The following PIEZO2 variants were observed in gnomAD, a reference collection of about 807,000 sequenced individuals.
PIEZO2 encodes piezo-type mechanosensitive ion channel component 2.
In PIEZO2, 172 loss-of-function variants were observed where a neutral mutation model predicts 337.3. The observed-to-expected ratio is 0.51, with a 90% CI of 0.45 to 0.58. The LOEUF (loss-of-function observed/expected upper bound fraction) is 0.58, where lower values mean the gene tolerates loss of function less well. Among genes scored for constraint, PIEZO2 ranks in the 20% least tolerant of loss-of-function variants. The probability of loss-of-function intolerance (pLI) is 0.00; values close to 1 mark genes in which losing one functional copy is unlikely to be tolerated. For missense variants in PIEZO2, 3,028 were observed against 3,391.3 expected, an observed-to-expected ratio of 0.89 and a Z score of 2.66; for synonymous variants, 1,251 against 1,228.5, an observed-to-expected ratio of 1.02 and a Z score of -0.38.
chr18:10,817,556 T>C (rs2040397730), intron 7 of PIEZO2, among the ~76,000 whole-genome samples: 1 of 152,206 alleles, frequency 6.6e-6, no homozygotes, highest in African/African-American at 2.4e-5. Context: ...TATGACCTTC[T>C]AAAGTTCTTC....
At position 10,999,819 on chromosome 18, in the gene PIEZO2, AT is replaced by A. The variant is rs776063609; in HGVS notation, c.161-20160del. Among the ~76,000 whole-genome samples, 99 of 152,242 alleles carry A rather than the reference AT, an allele frequency of 6.5e-4. 3 individuals are homozygous for A. The highest frequency in any genetic ancestry group is 2.0e-4 in the Admixed American group (3 of 15,290). ...TCCAGGTGGAACAAATAAAAAGCAA[AT>A]TGATACATAAAACTGGGAATTTTCT... On this transcript the variant is annotated intron_variant, in intron 2 of 55. Coordinates refer to ENST00000674853, the MANE Select transcript of PIEZO2 (RefSeq NM_001378183.1).
intron 4 of PIEZO2, among the ~76,000 whole-genome samples, chr18:10,898,192 T>C (rs1389688173): frequency 1.3e-5 from 2 of 152,062 alleles, no homozygotes; most frequent in Admixed American, 1.3e-4. Context: ...TAGACAGAGT[T>C]TTAGTAAAAT....
At chr18:11,061,650 T>C (rs2075252660) in intron 2 of PIEZO2, among the ~76,000 whole-genome samples, 2 of 151,794 alleles carry the variant, frequency 1.3e-5, no homozygotes, top group Admixed American at 6.6e-5. Context: ...TGAACTCCCA[T>C]TCACAATTGC....
chr18:11,026,524 A>G (rs1217233964), intron 2 of PIEZO2, among the ~76,000 whole-genome samples: 1 of 152,150 alleles, frequency 6.6e-6, no homozygotes, highest in Non-Finnish European at 1.5e-5. Context: ...CTAGGAAGCA[A>G]TAAAAGAAAA....
intron 2 of PIEZO2, among the ~76,000 whole-genome samples, chr18:11,060,494 AT>A (rs2037906863): frequency 1.3e-5 from 2 of 152,312 alleles, no homozygotes; most frequent in South Asian, 4.1e-4. Flanking sequence ...GATCAACAAA[AT>A]TGATAGACTG....
At position 11,102,600 on chromosome 18, in the gene PIEZO2, A is replaced by T. The variant is rs1246443395; in HGVS notation, c.65-36378T>A. ...GCTTGTTTTGCGTCTGGCTTGGATC[A>T]TCTCTGACACTTGCTCTCCCCTGGT... On this transcript the variant is annotated intron_variant, in intron 1 of 55. Transcript: ENST00000674853. The surrounding 1 kb of genome is among the most constrained non-coding windows in gnomAD (Gnocchi z 5.7). 6.6e-6 allele frequency among the ~76,000 whole-genome samples: 1 copy of T among 152,180 alleles called. No homozygotes were observed. Among genetic ancestry groups the T allele is most frequent in the African/African-American group, 2.4e-5 (1 of 41,454 alleles).
chr18:10,704,269 T>C (rs2035469217), intron 42 of PIEZO2, 125 bp downstream of exon 42: 1 of 1,231,098 alleles, frequency 8.1e-7, no homozygotes, highest in Non-Finnish European at 1.1e-6. Context: ...TGGAACTGCA[T>C]GTTCCATGTG....
At chr18:10,990,586 A>G (rs957874248) in intron 2 of PIEZO2, among the ~76,000 whole-genome samples, 10 of 152,090 alleles carry the variant, frequency 6.6e-5, no homozygotes, top group Non-Finnish European at 1.0e-4. Context: ...AGACAAATAT[A>G]TACATGATAA....
chr18:10,731,088 T>C (rs1003906393), intron 36 of PIEZO2, among the ~76,000 whole-genome samples: 2 of 151,390 alleles, frequency 1.3e-5, no homozygotes, highest in Non-Finnish European at 1.5e-5. Flanking sequence ...TTTCTTTTTT[T>C]TTATTACTTA....
chr18:11,114,668 C>CA lies in PIEZO2; in HGVS notation c.64+33856dup, dbSNP rs35996894. Among the ~76,000 whole-genome samples the CA allele has an allele frequency of 9.0e-3, 1,294 of 144,132 alleles. 13 individuals are homozygous for CA. Among genetic ancestry groups the CA allele is most frequent in the African/African-American group, 0.028 (1,077 of 38,448 alleles). The allele number at this position is 144,132 out of a possible 152,430, so 94.6% of individuals were successfully genotyped here. A position where few individuals can be genotyped will look rare whatever the true frequency, so the allele number is the denominator to read the frequency against. On this transcript the variant is annotated intron_variant, in intron 1 of 55. Coordinates refer to ENST00000674853, the MANE Select transcript of PIEZO2 (RefSeq NM_001378183.1). ...CAACAGAGGGAGACTCTGTCTTAAA[C>CA]AAAAAAAAAAAGGCAGTTGGGGTGC...
intron 1 of PIEZO2, among the ~76,000 whole-genome samples, chr18:11,137,350 G>A (rs59002396): frequency 0.016 from 2,490 of 152,152 alleles, 68 homozygotes; most frequent in African/African-American, 0.057. Context: ...TAAAAATTCC[G>A]GCCCGTAGGT....
chr18:10,857,684 T>C (rs1439197779), intron 5 of PIEZO2, among the ~76,000 whole-genome samples: 3 of 152,206 alleles, frequency 2.0e-5, no homozygotes, highest in Non-Finnish European at 4.4e-5. Context: ...ACTATTTCCA[T>C]ATTTCCTGAC....
At position 10,707,242 on chromosome 18, in the gene PIEZO2, G is replaced by C. The variant is rs2035622972; in HGVS notation, c.5588+1033C>G. Among the ~76,000 whole-genome samples the C allele has an allele frequency of 6.6e-6, 1 of 152,192 alleles. No individual in the cohort carries two copies. On this transcript the variant is annotated intron_variant, in intron 40 of 55. Transcript: ENST00000674853. The surrounding 1 kb of genome is among the most constrained non-coding windows in gnomAD (Gnocchi z 4.2). ...GAGCCAACCCCGCACCAGGTCTCAT[G>C]GCCAGTAAGACTGTCATCAGTCCTA...
chr18:10,786,702 G>A (rs2039236498), intron 16 of PIEZO2, among the ~76,000 whole-genome samples: 2 of 152,200 alleles, frequency 1.3e-5, no homozygotes, highest in Admixed American at 1.3e-4. Context: ...GCTACTTTAT[G>A]TTATAAGTGC....
chr18:10,994,823 TGTAATCC>T (rs2035246808), intron 2 of PIEZO2, among the ~76,000 whole-genome samples: 1 of 151,828 alleles, frequency 6.6e-6, no homozygotes, highest in Non-Finnish European at 1.5e-5. Context: ...AGCTCACGCC[TGTAATCC>T]CAGCACTTTG....
intron 49 of PIEZO2, among the ~76,000 whole-genome samples, chr18:10,683,905 C>T (rs1369160119): frequency 1.3e-5 from 2 of 152,110 alleles, no homozygotes; most frequent in Non-Finnish European, 2.9e-5. Flanking sequence ...CTCAAAAATT[C>T]CCAGAGGCTT....
intron 3 of PIEZO2, among the ~76,000 whole-genome samples, chr18:10,925,114 G>C (rs2031650081): frequency 6.6e-6 from 1 of 152,032 alleles, no homozygotes; most frequent in African/African-American, 2.4e-5. Context: ...TAATACAATT[G>C]ATAAAAATAT....
intron 1 of PIEZO2, among the ~76,000 whole-genome samples, chr18:11,136,726 C>T (rs981814440): frequency 3.9e-5 from 6 of 152,152 alleles, no homozygotes; most frequent in East Asian, 1.9e-4. Context: ...GCAACACCTG[C>T]GTAGGGAGCC....
At position 11,097,133 on chromosome 18, in the gene PIEZO2, A is replaced by C. The variant is rs1250050872; in HGVS notation, c.65-30911T>G. Among the ~76,000 whole-genome samples, 1 of 152,230 alleles carries C rather than the reference A, an allele frequency of 6.6e-6. No homozygotes were observed. Among genetic ancestry groups the C allele is most frequent in the Non-Finnish European group, 1.5e-5 (1 of 68,042 alleles). ...TGTCCCTGCTCCATTTTCGGCAAAC[A>C]GGTGTCTGCAAACTACATCCCTCCG... On this transcript the variant is annotated intron_variant, in intron 1 of 55. Transcript: ENST00000674853. This position sits in a 1 kb window ranked among gnomAD's most constrained non-coding sequence, Gnocchi z 5.0.
Sources: allele counts gnomAD v4.1 joint callset (sites outside exome capture counted in the v4.1 genomes callset), GRCh38; gene constraint gnomAD v4.1.1; non-coding constraint Gnocchi (gnomAD v3.1); transcripts MANE v1.5; gene names NCBI Gene and HGNC (gene_info 2026-07-23, HGNC 2026-07-21).